Variants in SOS1 observed in about 807,000 individuals in gnomAD.
SOS1 encodes the protein son of sevenless homolog 1.
A neutral mutation model predicts 157.6 loss-of-function variants in SOS1; 25 were observed. The ratio of observed to expected loss-of-function variants is 0.16; its 90% CI spans 0.12 to 0.22. The LOEUF is 0.22. Ranked by LOEUF, SOS1 falls within the 10% of genes least tolerant of loss-of-function variation. The pLI is 1.00. For missense variants in SOS1, 1,237 were observed against 1,599.1 expected, an observed-to-expected ratio of 0.77 and a Z score of 3.86; for synonymous variants, 528 against 534.0, an observed-to-expected ratio of 0.99 and a Z score of 0.16.
intron 6 of SOS1, among the ~76,000 whole-genome samples, chr2:39,046,495 C>T (rs1670788552): frequency 8.0e-6 from 1 of 124,380 alleles, no homozygotes; most frequent in African/African-American, 3.3e-5. Context: ...GAGACAGTGT[C>T]TTTTTTTTTT....
At chr2:39,028,732 C>G (rs2123876) in intron 8 of SOS1, among the ~76,000 whole-genome samples, 142,645 of 152,314 alleles carry the variant, frequency 0.94, 66,891 homozygotes, top group African/African-American at 0.97. Context: ...AAAGTATACA[C>G]CCAAGAAATA....
At chr2:39,070,340 C>G (rs1671753551) in intron 1 of SOS1, among the ~76,000 whole-genome samples, 1 of 152,194 alleles carries the variant, frequency 6.6e-6, no homozygotes, top group Non-Finnish European at 1.5e-5. Context: ...AAGTTCCTTT[C>G]ATTTCTGAAA....
At chr2:39,112,241 A>G (rs1007828869) in intron 1 of SOS1, among the ~76,000 whole-genome samples, 1 of 152,132 alleles carries the variant, frequency 6.6e-6, no homozygotes, top group Non-Finnish European at 1.5e-5. Context: ...ACCTGAACAG[A>G]TAAGCGCTAT....
chr2:39,062,858 T>C (rs1239457283), intron 2 of SOS1, among the ~76,000 whole-genome samples: 1 of 151,942 alleles, frequency 6.6e-6, no homozygotes, highest in Non-Finnish European at 1.5e-5. Flanking sequence ...TACAGAAAAT[T>C]ATATTTATTA....
chr2:39,042,351 T>C (rs1162393664), intron 6 of SOS1, among the ~76,000 whole-genome samples: 2 of 152,306 alleles, frequency 1.3e-5, no homozygotes, highest in East Asian at 1.9e-4. Flanking sequence ...CTGAACATAG[T>C]ATATATTTCC....
At chr2:39,050,112 G>C (rs1363260732) in intron 6 of SOS1, among the ~76,000 whole-genome samples, 2 of 152,068 alleles carry the variant, frequency 1.3e-5, no homozygotes, top group African/African-American at 4.8e-5. Flanking sequence ...AAGGGCTGTG[G>C]TGATGCTTGA....
intron 5 of SOS1, among the ~76,000 whole-genome samples, chr2:39,052,333 T>C (rs1287349969): frequency 6.6e-6 from 1 of 152,218 alleles, no homozygotes; most frequent in Non-Finnish European, 1.5e-5. Flanking sequence ...ATAGTTTATA[T>C]ACGAAACTCC....
intron 1 of SOS1, among the ~76,000 whole-genome samples, chr2:39,098,930 C>A (rs368540492): frequency 7.8e-4 from 118 of 152,128 alleles, no homozygotes; most frequent in African/African-American, 2.8e-3. Flanking sequence ...AAAAGACAAC[C>A]CAATTTTAAA....
chr2:39,077,940 A>T (rs1307447647), intron 1 of SOS1, among the ~76,000 whole-genome samples: 1 of 152,222 alleles, frequency 6.6e-6, no homozygotes, highest in East Asian at 1.9e-4. Context: ...AATGAAGAAA[A>T]ATTCTAATTC....
At chr2:39,021,608 G>C (rs1323362626) in intron 10 of SOS1, among the ~76,000 whole-genome samples, 4 of 149,928 alleles carry the variant, frequency 2.7e-5, no homozygotes, top group African/African-American at 9.8e-5. Flanking sequence ...CTCCAAATGA[G>C]TCTAGGAACC....
intron 1 of SOS1, among the ~76,000 whole-genome samples, chr2:39,068,492 C>A (rs1671668526): frequency 6.6e-6 from 1 of 152,154 alleles, no homozygotes; most frequent in African/African-American, 2.4e-5. Flanking sequence ...CCAGGAGGGG[C>A]ATGTCTCATC....
At chr2:38,998,729 C>T (rs17023212) in intron 17 of SOS1, among the ~76,000 whole-genome samples, 6,353 of 152,230 alleles carry the variant, frequency 0.042, 324 homozygotes, top group African/African-American at 0.12. Flanking sequence ...ATTGTTGATG[C>T]TGTTGTTGCA....
upstream of SOS1, among the ~76,000 whole-genome samples, chr2:39,122,445 T>A (rs1029208578): frequency 1.7e-4 from 5 of 28,798 alleles, no homozygotes; most frequent in East Asian, 2.4e-3. Flanking sequence ...CAAAAAAAAA[T>A]ATACACACAC....
At chr2:39,009,156 T>C (rs972520800) in intron 15 of SOS1, among the ~76,000 whole-genome samples, 7 of 151,684 alleles carry the variant, frequency 4.6e-5, no homozygotes, top group South Asian at 2.1e-4. Context: ...ATTAAAGAGA[T>C]AGAAACTATA....
chr2:39,066,783 T>C (rs1305513638), intron 2 of SOS1, among the ~76,000 whole-genome samples: 1 of 152,228 alleles, frequency 6.6e-6, no homozygotes, highest in East Asian at 1.9e-4. Flanking sequence ...ACTTACCACC[T>C]AAAATACATG....
intron 1 of SOS1, among the ~76,000 whole-genome samples, chr2:39,103,094 A>G (rs1022771048): frequency 1.3e-5 from 2 of 152,232 alleles, no homozygotes; most frequent in African/African-American, 4.8e-5. Context: ...GTACCTAGAA[A>G]GAGATTTAAC....
chr2:39,040,997 A>G (rs775904407), intron 6 of SOS1, among the ~76,000 whole-genome samples: 30 of 152,234 alleles, frequency 2.0e-4, no homozygotes, highest in Non-Finnish European at 3.7e-4. Context: ...ATCTTCATGA[A>G]CACTTGTTAC....
At chr2:39,051,496 G>C (rs2124597499) in intron 5 of SOS1, 2 of 521,190 alleles carry the variant, frequency 3.8e-6, no homozygotes, top group East Asian at 7.1e-5. Flanking sequence ...CTAGGTCAGT[G>C]GTCTTGTAAC....
At chr2:39,020,778 G>A (rs1669771673) in intron 10 of SOS1, among the ~76,000 whole-genome samples, 1 of 151,704 alleles carries the variant, frequency 6.6e-6, no homozygotes, top group Non-Finnish European at 1.5e-5. Flanking sequence ...TAACACTAAT[G>A]TGTGTGTACT....
Sources: allele counts gnomAD v4.1 joint callset (sites outside exome capture counted in the v4.1 genomes callset), GRCh38; gene constraint gnomAD v4.1.1; transcripts MANE v1.5; gene names NCBI Gene and HGNC (gene_info 2026-07-23, HGNC 2026-07-21).